The following PHACTR3 variants were observed in gnomAD, a reference collection of about 807,000 sequenced individuals.
PHACTR3 encodes phosphatase and actin regulator 3, also known as protein phosphatase 1, regulatory subunit 123.
Under a neutral mutation model 66.8 loss-of-function variants are expected in PHACTR3, and 16 were observed. The observed-to-expected ratio is 0.24, with a 90% CI of 0.16 to 0.36. The LOEUF is 0.36. PHACTR3 is among the 10% of genes least tolerant of loss of function. The pLI is 1.00. For missense variants in PHACTR3, 647 were observed against 719.9 expected (o/e 0.90, Z 1.16); for synonymous variants, 323 against 292.1 (o/e 1.11, Z -1.08).
intron 1 of PHACTR3, among the ~76,000 whole-genome samples, chr20:59,664,221 G>A (rs568565546): frequency 8.4e-4 from 128 of 152,298 alleles, no homozygotes; most frequent in African/African-American, 2.8e-3. Flanking sequence ...ATCCACAAAA[G>A]GAGTGAGTGT....
chr20:59,752,836 G>A (rs1209595915), intron 3 of PHACTR3, among the ~76,000 whole-genome samples: 1 of 152,210 alleles, frequency 6.6e-6, no homozygotes, highest in African/African-American at 2.4e-5. Context: ...CTGTCACATA[G>A]GGTAGGTGTG....
rs371589384 is a variant in PHACTR3, at chr20:59,716,355, C to T, written c.119-26752C>T. Among the ~76,000 whole-genome samples, 607 of 151,860 alleles carry T rather than the reference C, an allele frequency of 4.0e-3. 3 individuals carry two copies. Among genetic ancestry groups the T allele is most frequent in the Non-Finnish European group, 6.4e-3 (433 of 67,924 alleles). ...GCAACCTCTGCCTCCCAGGTTCAAG[C>T]GATTCTTGTGCCTCAGCCTCCCAAG... is the stretch of plus-strand genomic sequence containing the variant. On this transcript the variant is annotated intron_variant, in intron 1 of 12. Coordinates refer to ENST00000371015, the MANE Select transcript of PHACTR3 (RefSeq NM_080672.5).
chr20:59,608,702 C>T (rs1182593140), intron 1 of PHACTR3, among the ~76,000 whole-genome samples: 1 of 152,218 alleles, frequency 6.6e-6, no homozygotes, highest in Non-Finnish European at 1.5e-5. Context: ...TGTCCTGGCT[C>T]CATGCCTCTC....
rs1163203079 is a variant in PHACTR3, at chr20:59,738,819, T to C, written c.119-4288T>C. Among the ~76,000 whole-genome samples, 2 of 152,170 alleles carry C rather than the reference T, an allele frequency of 1.3e-5. No homozygotes were observed. The highest frequency in any genetic ancestry group is 4.8e-5 in the African/African-American group (2 of 41,450). ...ATAAAGCAATGATTATGCTCCATCC[T>C]CGTCTCCTCTGCTCATCCCTGGAGA... On this transcript the variant is annotated intron_variant, in intron 1 of 12. Coordinates refer to ENST00000371015, the MANE Select transcript of PHACTR3 (RefSeq NM_080672.5). This position sits in a 1 kb window ranked among gnomAD's most constrained non-coding sequence, Gnocchi z 4.4.
chr20:59,722,888 G>A (rs1280824235), intron 1 of PHACTR3, among the ~76,000 whole-genome samples: 2 of 152,064 alleles, frequency 1.3e-5, no homozygotes, highest in African/African-American at 2.4e-5. Flanking sequence ...TGTGGCTGCT[G>A]GGTCCCACGT....
At chr20:59,645,705 C>T (rs1314226369) in intron 1 of PHACTR3, among the ~76,000 whole-genome samples, 1 of 151,830 alleles carries the variant, frequency 6.6e-6, no homozygotes, top group Non-Finnish European at 1.5e-5. Context: ...TGTGCATATC[C>T]CTGTCGACAC....
intron 1 of PHACTR3, among the ~76,000 whole-genome samples, chr20:59,670,599 C>CA (rs2036154530): frequency 7.0e-5 from 1 of 14,334 alleles, no homozygotes; most frequent in African/African-American, 2.9e-4. Context: ...AGGCATCTGC[C>CA]GGGGGTGGGG....
chr20:59,758,289 TTAA>T (rs1429651637), intron 4 of PHACTR3, among the ~76,000 whole-genome samples: 1 of 151,508 alleles, frequency 6.6e-6, no homozygotes, highest in African/African-American at 2.5e-5. Flanking sequence ...AGTTTAAACA[TTAA>T]TAATGAAAAT....
intron 1 of PHACTR3, among the ~76,000 whole-genome samples, chr20:59,661,731 T>C (rs2035812002): frequency 6.6e-6 from 1 of 151,518 alleles, no homozygotes. Flanking sequence ...TCTTGGCTCC[T>C]TGGACTCCAG....
At chr20:59,806,614 T>A (rs914081269) in intron 8 of PHACTR3, among the ~76,000 whole-genome samples, 1 of 152,182 alleles carries the variant, frequency 6.6e-6, no homozygotes, top group Non-Finnish European at 1.5e-5. Context: ...AGAAGGTGGA[T>A]CCAGTGTTGC....
intron 1 of PHACTR3, among the ~76,000 whole-genome samples, chr20:59,625,614 A>G (rs569384472): frequency 1.3e-5 from 2 of 151,882 alleles, no homozygotes; most frequent in East Asian, 3.9e-4. Context: ...TTGCTTAGGG[A>G]TTTGCCCAAC....
At chr20:59,827,240 C>T (rs1264476362) in intron 8 of PHACTR3, among the ~76,000 whole-genome samples, 1 of 152,100 alleles carries the variant, frequency 6.6e-6, no homozygotes, top group Non-Finnish European at 1.5e-5. Context: ...GGCGGGGGTG[C>T]ACGTGATCTT....
rs1457743017 is a variant in PHACTR3 at position 59,738,891 on chromosome 20, G to A, written c.119-4216G>A. ...GAGCTTGGAGGCTTGGGGAGACCTA[G>A]CCCATCCTTCCCCTCGTGCAAAGCA... On this transcript the variant is annotated intron_variant, in intron 1 of 12. Coordinates refer to ENST00000371015, the MANE Select transcript of PHACTR3 (RefSeq NM_080672.5). The surrounding 1 kb of genome is among the most constrained non-coding windows in gnomAD (Gnocchi z 4.4). Among the ~76,000 whole-genome samples the A allele has an allele frequency of 6.6e-6, 1 of 152,118 alleles. No homozygotes were observed. Among genetic ancestry groups the A allele is most frequent in the Non-Finnish European group, 1.5e-5 (1 of 68,006 alleles).
intron 1 of PHACTR3, among the ~76,000 whole-genome samples, chr20:59,715,569 G>C: frequency 6.6e-6 from 1 of 152,180 alleles, no homozygotes; most frequent in East Asian, 1.9e-4. Context: ...ACGAAAGATA[G>C]GCCTGTCATT....
intron 1 of PHACTR3, among the ~76,000 whole-genome samples, chr20:59,732,631 A>G (rs1410194148): frequency 6.6e-6 from 1 of 152,126 alleles, no homozygotes; most frequent in Non-Finnish European, 1.5e-5. Context: ...AGAAGAAGCC[A>G]TGGCCAACAT....
intron 1 of PHACTR3, among the ~76,000 whole-genome samples, chr20:59,678,916 A>G (rs730274): frequency 0.041 from 6,145 of 150,518 alleles, 144 homozygotes; most frequent in Middle Eastern, 0.065. Context: ...TTACAAAGGC[A>G]ATTGCAGCCC....
At position 59,657,926 on chromosome 20, in the gene PHACTR3, G is replaced by C. The variant is rs150275658; in HGVS notation, c.118+52794G>C. Reference sequence around the variant, plus strand: ...TCTTTTTCACTCTTCTCTTATTCTGGTACTCCCATTATACATATGTTGGTC... The same window carrying C: ...TCTTTTTCACTCTTCTCTTATTCTGCTACTCCCATTATACATATGTTGGTC... On this transcript the variant is annotated intron_variant, in intron 1 of 12. Coordinates refer to ENST00000371015, the MANE Select transcript of PHACTR3 (RefSeq NM_080672.5). Among the ~76,000 whole-genome samples the C allele has an allele frequency of 2.2e-3, 330 of 151,848 alleles. 4 individuals carry two copies. Among genetic ancestry groups the C allele is most frequent in the African/African-American group, 7.6e-3 (316 of 41,408 alleles).
At chr20:59,628,336 C>T (rs931805701) in intron 1 of PHACTR3, 1 of 152,318 alleles carries the variant, frequency 6.6e-6, no homozygotes, top group East Asian at 1.9e-4. Flanking sequence ...AGCCCTGGCT[C>T]CCGAGCAGAG....
chr20:59,581,347 C>T (rs889498700), intron 1 of PHACTR3, among the ~76,000 whole-genome samples: 1 of 152,186 alleles, frequency 6.6e-6, no homozygotes, highest in Admixed American at 6.5e-5. Flanking sequence ...TCTCTCCTTT[C>T]CCCCCAGGGT....
Sources: allele counts gnomAD v4.1 joint callset (sites outside exome capture counted in the v4.1 genomes callset), GRCh38; gene constraint gnomAD v4.1.1; non-coding constraint Gnocchi (gnomAD v3.1); transcripts MANE v1.5; gene names NCBI Gene and HGNC (gene_info 2026-07-23, HGNC 2026-07-21).